Variants in CSMD3 observed in about 807,000 individuals in gnomAD.
The protein encoded by CSMD3 is CUB and sushi domain-containing protein 3.
In CSMD3, 177 loss-of-function variants were observed where a neutral mutation model predicts 435.2. The ratio of observed to expected loss-of-function variants is 0.41; its 90% confidence interval spans 0.36 to 0.46. The LOEUF is 0.46. CSMD3 is among the 20% of genes least tolerant of loss of function. The pLI, the probability that CSMD3 is intolerant of heterozygous loss-of-function variation, is 0.34. For synonymous variants in CSMD3, 1,656 were observed against 1,520.5 expected (o/e 1.09, Z -2.07); for missense variants, 4,265 against 4,504.6 (o/e 0.95, Z 1.52).
At chr8:112,928,004 T>C (rs963530121) in intron 9 of CSMD3, among the ~76,000 whole-genome samples, 2 of 152,140 alleles carry the variant, frequency 1.3e-5, no homozygotes, top group Non-Finnish European at 2.9e-5. Flanking sequence ...CAATTTCAAG[T>C]ATACTAGAAA....
In CSMD3 at chr8:113,189,094, C is replaced by T. The variant is rs1245739128; in HGVS notation, c.515-15178G>A. 3.3e-5 allele frequency among the ~76,000 whole-genome samples: 5 copies of T among 151,860 alleles called. No homozygotes were observed. In the East Asian group the frequency reaches 5.9e-4, roughly 18 times the overall value. ...TTTAACAATGGCAAAGGTTTCCCAA[C>T]GAAGCAGTTACATTGTTATTCAGTT... On this transcript the variant is annotated intron_variant, in intron 3 of 70. Coordinates refer to ENST00000297405, the MANE Select transcript of CSMD3 (RefSeq NM_198123.2).
At chr8:113,249,839 A>G (rs1013201825) in intron 3 of CSMD3, among the ~76,000 whole-genome samples, 3 of 144,976 alleles carry the variant, frequency 2.1e-5, no homozygotes, top group Non-Finnish European at 4.5e-5. Context: ...AGTATTCAAG[A>G]AAAAAAAAAA....
Position 112,392,613 on chromosome 8 carries a change from T to A in CSMD3, c.5810-1825A>T, listed in dbSNP as rs1218178427. ...CTGCTGATGAAAAAAAAATACTTTA[T>A]AGATGCTCTTCCTCTCCATCGCCAC... On this transcript the variant is annotated intron_variant, in intron 35 of 70. Coordinates refer to ENST00000297405, the MANE Select transcript of CSMD3 (RefSeq NM_198123.2). 3.3e-5 allele frequency among the ~76,000 whole-genome samples: 5 copies of A among 150,624 alleles called. No homozygotes were observed. The South Asian group carries it at 6.3e-4, about 19-fold the overall frequency.
At chr8:113,148,173 A>G (rs984263599) in intron 4 of CSMD3, among the ~76,000 whole-genome samples, 1 of 151,886 alleles carries the variant, frequency 6.6e-6, no homozygotes, top group South Asian at 2.1e-4. Context: ...GCCTCTCACT[A>G]TTCCAAATGT....
chr8:112,607,542 G>C (rs1832895739), intron 22 of CSMD3, among the ~76,000 whole-genome samples: 1 of 151,858 alleles, frequency 6.6e-6, no homozygotes, highest in Non-Finnish European at 1.5e-5. Flanking sequence ...AAATTTACAG[G>C]CTAATATCCA....
intron 5 of CSMD3, among the ~76,000 whole-genome samples, chr8:113,070,278 G>A (rs2089051378): frequency 6.6e-6 from 1 of 151,996 alleles, no homozygotes; most frequent in African/African-American, 2.4e-5. Context: ...CATTGTTGCT[G>A]CATGGGAGTG....
intron 16 of CSMD3, among the ~76,000 whole-genome samples, chr8:112,678,407 C>A (rs890784047): frequency 1.3e-5 from 2 of 152,076 alleles, no homozygotes; most frequent in African/African-American, 4.8e-5. Context: ...ATCAAAAGTA[C>A]CTGCAACAAG....
intron 53 of CSMD3, among the ~76,000 whole-genome samples, chr8:112,298,667 A>G (rs1029213528): frequency 1.3e-5 from 2 of 152,172 alleles, no homozygotes; most frequent in Non-Finnish European, 2.9e-5. Context: ...TTACCACTTC[A>G]CAAAGGAAAA....
At chr8:112,418,880 G>A (rs1037176048) in intron 32 of CSMD3, among the ~76,000 whole-genome samples, 5 of 152,046 alleles carry the variant, frequency 3.3e-5, no homozygotes, top group African/African-American at 7.2e-5. Context: ...GTCATGTGAC[G>A]GTCACAAATA....
At chr8:113,127,424 C>A (rs2131664621) in intron 4 of CSMD3, among the ~76,000 whole-genome samples, 1 of 152,058 alleles carries the variant, frequency 6.6e-6, no homozygotes, top group Non-Finnish European at 1.5e-5. Context: ...TGACTGTGTA[C>A]CAGGCTGTAT....
chr8:113,138,937 A>G (rs1391202933), intron 4 of CSMD3, among the ~76,000 whole-genome samples: 1 of 151,146 alleles, frequency 6.6e-6, no homozygotes, highest in African/African-American at 2.4e-5. Context: ...TTAGTATTGT[A>G]TTATGTTTAC....
chr8:113,155,665 C>T (rs374702861), intron 4 of CSMD3, among the ~76,000 whole-genome samples: 13 of 151,944 alleles, frequency 8.6e-5, no homozygotes, highest in East Asian at 3.9e-4. Context: ...TTAATTTCAA[C>T]GAGGTAATCC....
intron 13 of CSMD3, among the ~76,000 whole-genome samples, chr8:112,793,835 G>T (rs2078755157): frequency 6.6e-6 from 1 of 152,100 alleles, no homozygotes. Flanking sequence ...GGTAAGTTAT[G>T]GTTCACTGTG....
chr8:112,488,391 T>A (rs555972039), intron 31 of CSMD3, among the ~76,000 whole-genome samples: 1 of 152,250 alleles, frequency 6.6e-6, no homozygotes, highest in South Asian at 2.1e-4. Context: ...TAAGGCAACA[T>A]TATAAGAAAA....
chr8:112,228,464 G>T (rs1460347999), intron 70 of CSMD3, among the ~76,000 whole-genome samples: 1 of 152,112 alleles, frequency 6.6e-6, no homozygotes, highest in Non-Finnish European at 1.5e-5. Context: ...TCTCATTATA[G>T]ATAATGTAGA....
intron 40 of CSMD3, among the ~76,000 whole-genome samples, chr8:112,347,571 A>T (rs951282170): frequency 6.6e-6 from 1 of 152,220 alleles, no homozygotes; most frequent in Non-Finnish European, 1.5e-5. Flanking sequence ...GATTTTATAT[A>T]ATCTTGGAGT....
At chr8:112,366,400 G>A (rs894369054) in intron 38 of CSMD3, among the ~76,000 whole-genome samples, 4 of 151,988 alleles carry the variant, frequency 2.6e-5, no homozygotes, top group African/African-American at 7.2e-5. Context: ...ATGGTTTTTT[G>A]TTTTGTGTTG....
intron 3 of CSMD3, among the ~76,000 whole-genome samples, chr8:113,179,303 T>C (rs915588378): frequency 2.6e-5 from 4 of 151,832 alleles, no homozygotes; most frequent in Non-Finnish European, 5.9e-5. Flanking sequence ...ATTATTATTA[T>C]AAATTGTGTA....
chr8:112,397,374 C>T (rs1042652733), intron 35 of CSMD3, among the ~76,000 whole-genome samples: 4 of 152,060 alleles, frequency 2.6e-5, no homozygotes, highest in Admixed American at 6.6e-5. Flanking sequence ...ATTTTTAAAA[C>T]GGTATAAGGT....
Sources: allele counts gnomAD v4.1 joint callset (sites outside exome capture counted in the v4.1 genomes callset), GRCh38; gene constraint gnomAD v4.1.1; transcripts MANE v1.5; gene names NCBI Gene and HGNC (gene_info 2026-07-23, HGNC 2026-07-21).